The following KCNQ2 variants were observed in gnomAD, a reference collection of about 807,000 sequenced individuals.
The protein encoded by KCNQ2 is potassium voltage-gated channel subfamily KQT member 2.
In KCNQ2, 14 loss-of-function variants were observed where a neutral mutation model predicts 84.8. The ratio of observed to expected loss-of-function variants is 0.17; its 90% CI spans 0.11 to 0.26. The LOEUF is 0.26. Among genes scored for constraint, KCNQ2 ranks in the 10% least tolerant of loss-of-function variants. The pLI, the probability that KCNQ2 is intolerant of heterozygous loss-of-function variation, is 1.00. For synonymous variants in KCNQ2, 599 were observed against 554.1 expected, an observed-to-expected ratio of 1.08 and a Z score of -1.14; for missense variants, 788 against 1,254.0, an observed-to-expected ratio of 0.63 and a Z score of 5.61.
At chr20:63,409,575 G>A (rs1050212343) in intron 15 of KCNQ2, among the ~76,000 whole-genome samples, 13 of 152,232 alleles carry the variant, frequency 8.5e-5, no homozygotes, top group Non-Finnish European at 1.5e-4. Context: ...AGCCCAGCTG[G>A]ACAAGGGCAG....
intron 1 of KCNQ2, among the ~76,000 whole-genome samples, chr20:63,464,195 C>T (rs532431360): frequency 1.3e-5 from 2 of 152,280 alleles, no homozygotes; most frequent in African/African-American, 4.8e-5. Flanking sequence ...CGAGAGGCCG[C>T]CCAGCATCCC....
In KCNQ2 at chr20:63,463,869, G is replaced by A. The variant is rs1359831322; in HGVS notation, c.296+8299C>T. 3.9e-5 allele frequency: 6 copies of A among 152,136 alleles called. No homozygotes were observed. In the East Asian group the frequency reaches 7.8e-4, roughly 20 times the overall value. 9.4% of individuals were successfully genotyped at this position (152,136 alleles called of 1,614,324 possible). A position where few individuals can be genotyped will look rare whatever the true frequency, so the allele number is the denominator to read the frequency against. On this transcript the variant is annotated intron_variant, in intron 1 of 16. Transcript: ENST00000359125. ...ACAGATACAGAGGAAGAATCTAGAA[G>A]GAGGCTCCCTGCAGGCTGGGCAGCC...
At chr20:63,463,486 G>A (rs1272928883) in intron 1 of KCNQ2, among the ~76,000 whole-genome samples, 1 of 152,082 alleles carries the variant, frequency 6.6e-6, no homozygotes, top group East Asian at 1.9e-4. Flanking sequence ...CCACACACGT[G>A]CCCTCTGCAC....
At chr20:63,419,144 A>G (rs2080390650) in intron 12 of KCNQ2, among the ~76,000 whole-genome samples, 1 of 152,134 alleles carries the variant, frequency 6.6e-6, no homozygotes, top group African/African-American at 2.4e-5. Context: ...TGGGAGAGGG[A>G]GCCGCGGGCC....
chr20:63,431,535 G>T (rs1043229055), intron 8 of KCNQ2, among the ~76,000 whole-genome samples, 166 bp from the exon 9 acceptor site: 1 of 152,124 alleles, frequency 6.6e-6, no homozygotes, highest in African/African-American at 2.4e-5. Flanking sequence ...GCTGAGAGAG[G>T]TCACTTTGCA....
intron 1 of KCNQ2, 119 bp downstream of exon 1, chr20:63,472,049 G>C (rs1045419331): frequency 1.5e-5 from 10 of 680,876 alleles, no homozygotes; most frequent in Non-Finnish European, 2.3e-5. Flanking sequence ...GCCGGCCCCG[G>C]ACCCAGACCC....
At chr20:63,457,712 C>T (rs2081839974) in intron 1 of KCNQ2, among the ~76,000 whole-genome samples, 1 of 152,246 alleles carries the variant, frequency 6.6e-6, no homozygotes, top group African/African-American at 2.4e-5. Flanking sequence ...ACGCCCAAGG[C>T]CCACAGGGAC....
In KCNQ2 at chr20:63,408,382, C is replaced by T. The variant is rs753173090; in HGVS notation, c.1887+31G>A. On this transcript the variant is annotated intron_variant, in intron 16 of 16. Transcript: ENST00000359125. The surrounding 1 kb of genome is among the most constrained non-coding windows in gnomAD (Gnocchi z 5.0). ...GACGGCAGGCACCACAGCCCTCCAG[C>T]CCCGCACCCCTCCCGCCCAGCCTCT... 10 of 1,602,642 alleles carry T rather than the reference C, an allele frequency of 6.2e-6. No homozygotes were observed. In the South Asian group the frequency reaches 9.9e-5, roughly 16 times the overall value.
intron 8 of KCNQ2, among the ~76,000 whole-genome samples, chr20:63,432,564 G>C (rs1288738482): frequency 6.9e-6 from 1 of 144,738 alleles, no homozygotes; most frequent in Non-Finnish European, 1.5e-5. Context: ...CCTCAGGGAA[G>C]GCTCCACCCT....
Position 63,404,792 on chromosome 20 carries a change from G to C in KCNQ2, c.*1852C>G, listed in dbSNP as rs2079889199. On this transcript the variant is annotated 3_prime_UTR_variant, in exon 17 of 17. Coordinates refer to ENST00000359125, the MANE Select transcript of KCNQ2 (RefSeq NM_172107.4). ...GCCCGAGGCCACACACGCTGCCTTTGGGAACAGAGCAGACAGGCAGTGGGA... is the reference window on the plus strand; with the variant it reads ...GCCCGAGGCCACACACGCTGCCTTTCGGAACAGAGCAGACAGGCAGTGGGA... 6.6e-6 allele frequency: 1 copy of C among 152,332 alleles called. No homozygotes were observed. The highest frequency in any genetic ancestry group is 1.5e-5 in the Non-Finnish European group (1 of 68,102). The allele number at this position is 152,332 out of a possible 1,614,324, so 9.4% of individuals were successfully genotyped here.
At chr20:63,411,529 G>A (rs372212923) in intron 15 of KCNQ2, among the ~76,000 whole-genome samples, 13 of 152,330 alleles carry the variant, frequency 8.5e-5, no homozygotes, top group East Asian at 7.7e-4. Context: ...CAGAGCCCCC[G>A]GCTTCCCCAG....
chr20:63,441,828 T>C (rs2081170088), intron 5 of KCNQ2, among the ~76,000 whole-genome samples: 1 of 152,262 alleles, frequency 6.6e-6, no homozygotes, highest in African/African-American at 2.4e-5. Flanking sequence ...GAGCTGCCCA[T>C]GCCTTCCCCG....
intron 1 of KCNQ2, among the ~76,000 whole-genome samples, chr20:63,461,451 G>A (rs1034090216): frequency 5.9e-5 from 9 of 152,306 alleles, no homozygotes; most frequent in African/African-American, 1.2e-4. Flanking sequence ...GCTGCCCAGA[G>A]GTGAGCCAAG....
rs754114486 is a variant in KCNQ2 at position 63,433,801 on chromosome 20, G to A, written c.1118+8C>T. On this transcript the variant is annotated splice_region_variant and intron_variant, in intron 8 of 16. Transcript: ENST00000359125. ...AGTTGCTTGGTGGCAGGTGCCCGGC[G>A]GCGGTACCTGTACATGGGCACGGTG... 7.4e-6 allele frequency: 12 copies of A among 1,613,716 alleles called. No individual in the cohort carries two copies. The African/African-American group carries it at 1.1e-4, about 14-fold the overall frequency.
At chr20:63,443,412 CCATCACCACCAT>C (rs1568937783) in intron 4 of KCNQ2, among the ~76,000 whole-genome samples, 570 of 24,608 alleles carry the variant, frequency 0.023, 16 homozygotes, top group African/African-American at 0.057. Context: ...ACCACCATCA[CCATCACCACCAT>C]CATCACCATC....
At chr20:63,458,344 G>A (rs1471903764) in intron 1 of KCNQ2, among the ~76,000 whole-genome samples, 4 of 152,034 alleles carry the variant, frequency 2.6e-5, no homozygotes, top group South Asian at 2.1e-4. Context: ...CCTCGAGGCC[G>A]CTGCAGTGCC....
chr20:63,464,640 C>T (rs976648068), intron 1 of KCNQ2, among the ~76,000 whole-genome samples: 4 of 152,164 alleles, frequency 2.6e-5, no homozygotes, highest in Admixed American at 6.5e-5. Context: ...ACTAGCTCCC[C>T]GACGCTGGAA....
Position 63,400,737 on chromosome 20 carries a change from C to T in KCNQ2, c.*5907G>A. The T allele has an allele frequency of 2.5e-6, 1 of 398,500 alleles. No individual in the cohort carries two copies. The highest frequency in any genetic ancestry group is 4.4e-6 in the Non-Finnish European group (1 of 225,972). 24.7% of individuals were successfully genotyped at this position (398,500 alleles called of 1,614,324 possible). On this transcript the variant is annotated 3_prime_UTR_variant, in exon 17 of 17. Coordinates refer to ENST00000359125, the MANE Select transcript of KCNQ2 (RefSeq NM_172107.4). The surrounding 1 kb of genome is among the most constrained non-coding windows in gnomAD (Gnocchi z 8.7). Reference sequence around the variant, plus strand: ...GCGGGCACACGTGGGCCGTGTGGATCCCGGGCAGAGGGATGGCGTCCAGCG... The same window carrying T: ...GCGGGCACACGTGGGCCGTGTGGATTCCGGGCAGAGGGATGGCGTCCAGCG...
chr20:63,464,530 G>A (rs1174474470), intron 1 of KCNQ2, among the ~76,000 whole-genome samples: 3 of 151,870 alleles, frequency 2.0e-5, no homozygotes, highest in African/African-American at 7.3e-5. Context: ...TGCACCCCAG[G>A]GCTATGAGCC....
Sources: gnomAD v4.1 joint callset for allele counts (sites outside exome capture counted in the v4.1 genomes callset) on GRCh38, gnomAD v4.1.1 for gene constraint, Gnocchi (gnomAD v3.1) non-coding constraint, MANE v1.5 for transcripts, NCBI Gene and HGNC (gene_info 2026-07-23, HGNC 2026-07-21) for gene names.